Variants in APBB1IP observed in about 807,000 individuals in gnomAD.
APBB1IP encodes amyloid beta A4 precursor protein-binding family B member 1-interacting protein.
In APBB1IP, 27 loss-of-function variants were observed where a neutral mutation model predicts 64.9. That is an observed-to-expected ratio of 0.42 (90% confidence interval 0.31 to 0.57). APBB1IP has a LOEUF of 0.57. Among genes scored for constraint, APBB1IP ranks in the 20% least tolerant of loss-of-function variants. APBB1IP has a pLI of 0.20. For missense variants in APBB1IP, 812 were observed against 845.5 expected, an observed-to-expected ratio of 0.96 and a Z score of 0.49; for synonymous variants, 392 against 331.0, an observed-to-expected ratio of 1.18 and a Z score of -2.00.
chr10:26,562,182 T>A, intron 13 of APBB1IP, 144 bp from the exon 14 acceptor site: 2 of 652,244 alleles, frequency 3.1e-6, no homozygotes, highest in South Asian at 3.5e-5. Flanking sequence ...TGCTTTGTTT[T>A]TATTTTTGTT....
intron 2 of APBB1IP, among the ~76,000 whole-genome samples, chr10:26,455,396 C>T (rs539407921): frequency 2.4e-3 from 360 of 151,854 alleles, no homozygotes; most frequent in Middle Eastern, 0.02. Context: ...AGGTGTGGTG[C>T]GGGCGCTTGT....
chr10:26,539,969 C>T (rs7917257), intron 10 of APBB1IP, among the ~76,000 whole-genome samples: 89,747 of 151,714 alleles, frequency 0.59, 26,708 homozygotes, highest in Admixed American at 0.69. Flanking sequence ...GAGACACTCA[C>T]GCCTGGGAGC....
intron 2 of APBB1IP, among the ~76,000 whole-genome samples, chr10:26,480,827 A>T (rs566851230): frequency 2.6e-5 from 4 of 152,092 alleles, no homozygotes; most frequent in African/African-American, 9.6e-5. Context: ...TCCAGTTGAG[A>T]TAGATTCATG....
intron 14 of APBB1IP, 121 bp from the exon 15 acceptor site, chr10:26,566,840 A>C: frequency 1.8e-6 from 2 of 1,142,716 alleles, no homozygotes; most frequent in Non-Finnish European, 2.4e-6. Context: ...GTAAGTCCAG[A>C]TCGCGCCACT....
intron 9 of APBB1IP, among the ~76,000 whole-genome samples, chr10:26,534,294 C>CAAAAAAAAAAAAA: frequency 1.7e-5 from 1 of 58,690 alleles, no homozygotes; most frequent in Non-Finnish European, 3.1e-5. Context: ...GATCCAGTCT[C>CAAAAAAAAAAAAA]AAAAAAAAAA....
intron 4 of APBB1IP, among the ~76,000 whole-genome samples, chr10:26,498,577 T>A (rs1157289084): frequency 6.6e-6 from 1 of 152,192 alleles, no homozygotes; most frequent in Admixed American, 6.5e-5. Flanking sequence ...CTTGCACATA[T>A]GAAAAAAGCA....
chr10:26,453,537 T>A (rs997063269), intron 2 of APBB1IP, among the ~76,000 whole-genome samples: 1 of 152,078 alleles, frequency 6.6e-6, no homozygotes, highest in Non-Finnish European at 1.5e-5. Flanking sequence ...CCTGCTTGCC[T>A]TTCTCTGATG....
intron 7 of APBB1IP, among the ~76,000 whole-genome samples, chr10:26,512,598 C>A (rs1836274753): frequency 6.6e-6 from 1 of 152,056 alleles, no homozygotes; most frequent in South Asian, 2.1e-4. Flanking sequence ...TATACTGTTA[C>A]TTATTCTTGG....
At chr10:26,482,949 G>C (rs1234149424) in intron 2 of APBB1IP, among the ~76,000 whole-genome samples, 2 of 150,238 alleles carry the variant, frequency 1.3e-5, no homozygotes, top group Non-Finnish European at 3.0e-5. Context: ...AAATTAGCTG[G>C]TCATGGTGGC....
In APBB1IP at chr10:26,438,876, G is replaced by A. The variant is rs939169236; in HGVS notation, c.-1+23G>A. ...GAGGTAAGTGGCGCTCCCAGTCCCG[G>A]GAGCCCTGGGAGCGCCAGCACGGGC... On this transcript the variant is annotated intron_variant, in intron 2 of 14. Coordinates refer to ENST00000376236, the MANE Select transcript of APBB1IP (RefSeq NM_019043.4). 3.3e-5 allele frequency: 5 copies of A among 152,166 alleles called. No individual in the cohort carries two copies. The East Asian group carries it at 7.7e-4, about 24-fold the overall frequency. The allele number at this position is 152,166 out of a possible 1,614,324, so 9.4% of individuals were successfully genotyped here. A position where few individuals can be genotyped will look rare whatever the true frequency, so the allele number is the denominator to read the frequency against.
intron 8 of APBB1IP, among the ~76,000 whole-genome samples, chr10:26,528,173 A>G (rs1588604980): frequency 6.6e-6 from 1 of 152,176 alleles, no homozygotes; most frequent in Non-Finnish European, 1.5e-5. Context: ...GGCCAAACCC[A>G]ACGTAAGTGA....
intron 8 of APBB1IP, among the ~76,000 whole-genome samples, chr10:26,524,702 G>A (rs1365396086): frequency 3.3e-5 from 5 of 152,078 alleles, no homozygotes; most frequent in African/African-American, 1.2e-4. Context: ...TGAAAGAACT[G>A]AGCTTTATCT....
Position 26,560,814 on chromosome 10 carries a change from A to G in APBB1IP, c.1339A>G (p.Asn447Asp), listed in dbSNP as rs367552700. The G allele has an allele frequency of 1.4e-5, 23 of 1,605,080 alleles. No individual in the cohort carries two copies. The African/African-American group carries it at 2.6e-4, about 18-fold the overall frequency. ...TCGGTGGACAAACTTGGGGACAGTC[A>G]ATGCAGCTGCACCAGCTCAGCCATC... ...ASRWTNLGTV[N>D]AAAPAQPSTG... Residue 447 changes from asparagine to aspartate, a missense_variant, in exon 13 of 15, where the codon AAT (asparagine) becomes GAT (aspartate). Around this residue, in one of 3 missense-constraint regions of APBB1IP, gnomAD observed 381 missense variants for 352.1 expected, o/e 1.08. Transcript: ENST00000376236.
intron 4 of APBB1IP, among the ~76,000 whole-genome samples, chr10:26,498,444 G>A (rs1836055870): frequency 6.6e-6 from 1 of 152,104 alleles, no homozygotes; most frequent in Non-Finnish European, 1.5e-5. Context: ...AGAAGGCGGA[G>A]GTTGCAGTGA....
At chr10:26,563,138 T>C (rs1836995224) in intron 14 of APBB1IP, among the ~76,000 whole-genome samples, 1 of 152,180 alleles carries the variant, frequency 6.6e-6, no homozygotes, top group Admixed American at 6.5e-5. Flanking sequence ...TCTGAAGCCC[T>C]ATATGAAGTG....
intron 8 of APBB1IP, among the ~76,000 whole-genome samples, chr10:26,527,322 G>A (rs1027446294): frequency 7.2e-5 from 11 of 152,212 alleles, no homozygotes; most frequent in African/African-American, 2.6e-4. Context: ...CAGAGCAGGA[G>A]GATCACTTGA....
rs1836181651 is a variant in APBB1IP, at chr10:26,506,536, A to T, written c.531+3262A>T. 2.0e-5 allele frequency among the ~76,000 whole-genome samples: 3 copies of T among 152,292 alleles called. No individual in the cohort carries two copies. In the South Asian group the frequency reaches 6.2e-4, roughly 32 times the overall value. On this transcript the variant is annotated intron_variant, in intron 6 of 14. Coordinates refer to ENST00000376236, the MANE Select transcript of APBB1IP (RefSeq NM_019043.4). The stretch of plus-strand genomic sequence containing the variant: ...GTTCTGGGATTACAGGCATGTAATA[A>T]TAGTTAAAATAGTTAATTTGGTAAA...
chr10:26,512,484 T>A (rs1486559646), intron 7 of APBB1IP, among the ~76,000 whole-genome samples: 1 of 152,176 alleles, frequency 6.6e-6, no homozygotes, highest in Non-Finnish European at 1.5e-5. Flanking sequence ...ACTGGCTTAG[T>A]CTCTGATGCT....
intron 8 of APBB1IP, among the ~76,000 whole-genome samples, chr10:26,521,743 AT>A (rs2132453452): frequency 6.6e-6 from 1 of 152,200 alleles, no homozygotes; most frequent in Admixed American, 6.5e-5. Context: ...AAGTTTATTT[AT>A]TAAGTATTAT....
Sources: gnomAD v4.1 joint callset for allele counts (sites outside exome capture counted in the v4.1 genomes callset) on GRCh38, gnomAD v4.1.1 for gene constraint, gnomAD v4.1.1 regional missense constraint, MANE v1.5 for transcripts, NCBI Gene and HGNC (gene_info 2026-07-23, HGNC 2026-07-21) for gene names.